Variants in GLIPR1 observed in about 807,000 individuals in gnomAD.
GLIPR1 encodes the protein glioma pathogenesis-related protein 1.
Under a neutral mutation model 30.3 loss-of-function variants are expected in GLIPR1, and 38 were observed. The ratio of observed to expected loss-of-function variants is 1.26; its 90% confidence interval spans 0.97 to 1.65. The LOEUF (loss-of-function observed/expected upper bound fraction) is 1.65. Among genes scored for constraint, GLIPR1 ranks in the 40% most tolerant of loss-of-function variants. The probability of loss-of-function intolerance (pLI) is 0.00; values close to 1 mark genes in which losing one functional copy is unlikely to be tolerated. For missense variants in GLIPR1, 285 were observed against 326.5 expected, an observed-to-expected ratio of 0.87 and a Z score of 0.98; for synonymous variants, 122 against 110.6, an observed-to-expected ratio of 1.10 and a Z score of -0.65.
chr12:75,500,063 CT>C lies in GLIPR1; in HGVS notation c.*1087del. 1 of 753,664 alleles carries C rather than the reference CT, an allele frequency of 1.3e-6. No individual in the cohort carries two copies. The highest frequency in any genetic ancestry group is 2.0e-6 in the Non-Finnish European group (1 of 493,010). The allele number at this position is 753,664 out of a possible 1,614,324, so 46.7% of individuals were successfully genotyped here. ...TTAAGGCAGTTAACTTCAGAGTATT[CT>C]TATAATTGAATAATTGAAAGGTGAT... is the stretch of plus-strand genomic sequence containing the variant. On this transcript the variant is annotated 3_prime_UTR_variant, in exon 6 of 6. Coordinates refer to ENST00000266659, the MANE Select transcript of GLIPR1 (RefSeq NM_006851.3).
Position 75,499,262 on chromosome 12 carries a change from C to A in GLIPR1, c.*284C>A, listed in dbSNP as rs1407640069. 1 of 231,252 alleles carries A rather than the reference C, an allele frequency of 4.3e-6. No homozygotes were observed. The highest frequency in any genetic ancestry group is 8.3e-6 in the Non-Finnish European group (1 of 120,624). The allele number at this position is 231,252 out of a possible 1,614,324, so 14.3% of individuals were successfully genotyped here. A position where few individuals can be genotyped will look rare whatever the true frequency, so the allele number is the denominator to read the frequency against. On this transcript the variant is annotated 3_prime_UTR_variant, in exon 6 of 6. Coordinates refer to ENST00000266659, the MANE Select transcript of GLIPR1 (RefSeq NM_006851.3). ...GCAAAATGAGCAAGGTACAGTAGCA[C>A]ATTTTTAGGTGATTCTTAGTAACTC...
chr12:75,492,635 ACTTAT>A (rs2046329816), intron 3 of GLIPR1: 1 of 152,198 alleles, frequency 6.6e-6, no homozygotes, highest in African/African-American at 2.4e-5. Context: ...GTTTAGACTC[ACTTAT>A]CTTCAGAGTT....
In GLIPR1 at chr12:75,501,946, G is replaced by A. The variant is rs577073370; in HGVS notation, c.*2968G>A. 1.6e-5 allele frequency: 25 copies of A among 1,612,282 alleles called. No homozygotes were observed. The highest frequency in any genetic ancestry group is 1.7e-4 in the Middle Eastern group (1 of 5,912). On this transcript the variant is annotated 3_prime_UTR_variant, in exon 6 of 6. Transcript: ENST00000266659. ...ACCTTTATTGCTTCCATTTTCTGCC[G>A]CTTCTTCTGATTTGCCTTCAAAAAG...
Position 75,500,195 on chromosome 12 carries a change from A to AAAATGGCAT in GLIPR1, c.*1229_*1237dup. The AAAATGGCAT allele has an allele frequency of 3.9e-6, 1 of 259,332 alleles. No individual in the cohort carries two copies. The highest frequency in any genetic ancestry group is 7.2e-6 in the Non-Finnish European group (1 of 139,724). The allele number at this position is 259,332 out of a possible 1,614,324, so 16.1% of individuals were successfully genotyped here. Reference sequence around the variant, plus strand: ...TTATATATTAGTACAAGTATACATAAAAATGGCATAAATGGCATAATTGAA... The same window carrying AAAATGGCAT: ...TTATATATTAGTACAAGTATACATAAAAATGGCATAAATGGCATAAATGGCATAATTGAA... On this transcript the variant is annotated 3_prime_UTR_variant, in exon 6 of 6. Coordinates refer to ENST00000266659, the MANE Select transcript of GLIPR1 (RefSeq NM_006851.3).
In GLIPR1 at chr12:75,480,917, TC is replaced by T; in HGVS notation, c.38del (p.Ser13PhefsTer36). ...VTLATIAWMV[S>X]FVSNYSHTAN... ...ACTTGCTACAATAGCCTGGATGGTT[TC>T]TTTTGTCTCCAATTATTCACACACA... On this transcript the variant is annotated frameshift_variant, in exon 1 of 6. Coordinates refer to ENST00000266659, the MANE Select transcript of GLIPR1 (RefSeq NM_006851.3). LOFTEE classifies it high-confidence loss of function. 5 of 1,613,838 alleles carry T rather than the reference TC, an allele frequency of 3.1e-6. No individual in the cohort carries two copies. The highest frequency in any genetic ancestry group is 4.2e-6 in the Non-Finnish European group (5 of 1,179,812).
At chr12:75,490,195 TCACACACA>T (rs71829276) in intron 2 of GLIPR1, among the ~76,000 whole-genome samples, 46,513 of 141,544 alleles carry the variant, frequency 0.33, 7,612 homozygotes, top group East Asian at 0.41. Context: ...TTATCTTATT[TCACACACA>T]CACACACACA....
At position 75,501,715 on chromosome 12, in the gene GLIPR1, A is replaced by G. The variant is rs1418172462; in HGVS notation, c.*2737A>G. 2.6e-6 allele frequency: 4 copies of G among 1,563,742 alleles called. No homozygotes were observed. The highest frequency in any genetic ancestry group is 3.5e-6 in the Non-Finnish European group (4 of 1,139,138). ...TAATAAAGACTTTTACATCATAGAAAGCATTACCTTCCTTAGGTTTCACAA... is the reference window on the plus strand; with the variant it reads ...TAATAAAGACTTTTACATCATAGAAGGCATTACCTTCCTTAGGTTTCACAA... On this transcript the variant is annotated 3_prime_UTR_variant, in exon 6 of 6. Transcript: ENST00000266659.
In GLIPR1 at chr12:75,500,645, A is replaced by G. The variant is rs964035401; in HGVS notation, c.*1667A>G. ...GTGGAAGTCCCCCTAATAGAAGCCAACTATCTAATCAATGCCAAAAGTGTG... is the reference window on the plus strand; with the variant it reads ...GTGGAAGTCCCCCTAATAGAAGCCAGCTATCTAATCAATGCCAAAAGTGTG... On this transcript the variant is annotated 3_prime_UTR_variant, in exon 6 of 6. Coordinates refer to ENST00000266659, the MANE Select transcript of GLIPR1 (RefSeq NM_006851.3). 2.6e-5 allele frequency: 4 copies of G among 151,934 alleles called. No homozygotes were observed. The highest frequency in any genetic ancestry group is 6.6e-5 in the Admixed American group (1 of 15,230). The allele number at this position is 151,934 out of a possible 1,614,324, so 9.4% of individuals were successfully genotyped here.
At chr12:75,495,148 T>C (rs946747357) in intron 3 of GLIPR1, 2 of 152,584 alleles carry the variant, frequency 1.3e-5, no homozygotes, top group Admixed American at 6.5e-5. Flanking sequence ...TGGGTCACCA[T>C]AGCTTTTCTA....
intron 4 of GLIPR1, 80 bp from the exon 5 acceptor site, chr12:75,498,614 A>G: frequency 8.7e-7 from 1 of 1,143,240 alleles, no homozygotes; most frequent in Non-Finnish European, 1.3e-6. Flanking sequence ...TCATAATTAT[A>G]AGACTTAGCT....
At chr12:75,493,210 T>C (rs953468081) in intron 3 of GLIPR1, 1 of 152,168 alleles carries the variant, frequency 6.6e-6, no homozygotes, top group Non-Finnish European at 1.5e-5. Flanking sequence ...ACCTTTAAAT[T>C]TGGACATCAG....
chr12:75,495,889 CA>C (rs1033657502), intron 4 of GLIPR1: 32 of 312,438 alleles, frequency 1.0e-4, no homozygotes, highest in Non-Finnish European at 1.6e-4. Context: ...ACAACAACAA[CA>C]AAAAAAACTG....
chr12:75,490,560 C>A lies in GLIPR1; in HGVS notation c.533+42C>A, dbSNP rs372967750. On this transcript the variant is annotated intron_variant, in intron 3 of 5. Coordinates refer to ENST00000266659, the MANE Select transcript of GLIPR1 (RefSeq NM_006851.3). Reference sequence around the variant, plus strand: ...ACCGGTTTATAGGAAACGCCCCCCCCCCCCCGCAAAAAAAAACAACAACAA... The same window carrying A: ...ACCGGTTTATAGGAAACGCCCCCCCACCCCCGCAAAAAAAAACAACAACAA... 5.7e-4 allele frequency: 107 copies of A among 188,604 alleles called. 40 individuals are homozygous for A. The highest frequency in any genetic ancestry group is 2.0e-3 in the Admixed American group (17 of 8,574). 11.7% of individuals were successfully genotyped at this position (188,604 alleles called of 1,614,324 possible).
rs771583378 is a variant in GLIPR1, at chr12:75,498,999, A to G, written c.*21A>G. On this transcript the variant is annotated 3_prime_UTR_variant, in exon 6 of 6. Coordinates refer to ENST00000266659, the MANE Select transcript of GLIPR1 (RefSeq NM_006851.3). ...ACTAATACAATTCAGGAAAGAAAAA[A>G]CCCAAAAACCAACCTCATTCACATA... 6.6e-7 allele frequency: 1 copy of G among 1,512,730 alleles called. No individual in the cohort carries two copies. Among genetic ancestry groups the G allele is most frequent in the East Asian group, 2.3e-5 (1 of 42,742 alleles). The allele number at this position is 1,512,730 out of a possible 1,614,324, so 93.7% of individuals were successfully genotyped here. A position where few individuals can be genotyped will look rare whatever the true frequency, so the allele number is the denominator to read the frequency against.
intron 4 of GLIPR1, chr12:75,498,420 G>T (rs1033004934): frequency 3.4e-6 from 1 of 292,644 alleles, no homozygotes; most frequent in Non-Finnish European, 6.2e-6. Flanking sequence ...TTTATTACCT[G>T]CTAGGTATGA....
Position 75,490,426 on chromosome 12 carries a change from C to A in GLIPR1, c.441C>A (p.Tyr147Ter). Reference protein sequence around the residue: ...HYTQVVWADSYKVGCAVQFCP... With the variant: ...HYTQVVWADS ...TTCAGGTTGTTTGGGCAGATAGTTA[C>A]AAAGTTGGCTGCGCAGTTCAATTTT... Residue 147 changes from tyrosine to a stop codon, truncating the protein, a stop_gained, in exon 3 of 6, where the codon TAC becomes TAA. Coordinates refer to ENST00000266659, the MANE Select transcript of GLIPR1 (RefSeq NM_006851.3). LOFTEE classifies it high-confidence loss of function. 6.3e-7 allele frequency: 1 copy of A among 1,597,086 alleles called. No individual in the cohort carries two copies. Among genetic ancestry groups the A allele is most frequent in the Non-Finnish European group, 8.6e-7 (1 of 1,165,886 alleles).
intron 3 of GLIPR1, chr12:75,491,919 G>A (rs2046325830): frequency 6.6e-6 from 1 of 152,116 alleles, no homozygotes; most frequent in African/African-American, 2.4e-5. Context: ...GGTGTAATGT[G>A]CAGAAGACAT....
At position 75,490,447 on chromosome 12, in the gene GLIPR1, A is replaced by C; in HGVS notation, c.462A>C (p.Gln154His). The change falls in exon 3 of 6, where the codon CAA becomes CAC. Residue 154 changes from glutamine to histidine, a missense_variant. By Grantham distance (24) the Gln-to-His change is conservative. Transcript: ENST00000266659. ...ADSYKVGCAV[Q>H]FCPKVSGFDA... ...GTTACAAAGTTGGCTGCGCAGTTCA[A>C]TTTTGCCCTAAAGTTTCTGGCTTTG... 1 of 1,564,068 alleles carries C rather than the reference A, an allele frequency of 6.4e-7. No individual in the cohort carries two copies. Among genetic ancestry groups the C allele is most frequent in the South Asian group, 1.1e-5 (1 of 90,198 alleles).
chr12:75,488,452 G>A (rs370386907), intron 2 of GLIPR1, among the ~76,000 whole-genome samples: 1 of 152,022 alleles, frequency 6.6e-6, no homozygotes, highest in African/African-American at 2.4e-5. Flanking sequence ...CAGGAGAATC[G>A]CTTGAACCTG....
Sources: gnomAD v4.1 joint callset for allele counts (sites outside exome capture counted in the v4.1 genomes callset) on GRCh38, gnomAD v4.1.1 for gene constraint, MANE v1.5 for transcripts, NCBI Gene and HGNC (gene_info 2026-07-23, HGNC 2026-07-21) for gene names.